The following WDR49 variants were observed in gnomAD, a reference collection of about 807,000 sequenced individuals.
The protein encoded by WDR49 is WD repeat domain 49, also known as cilia- and flagella-associated protein 337.
A neutral mutation model predicts 119.5 loss-of-function variants in WDR49; 107 were observed. The observed-to-expected ratio is 0.90, with a 90% CI of 0.77 to 1.05. The LOEUF (loss-of-function observed/expected upper bound fraction) is 1.05, where lower values mean the gene tolerates loss of function less well. Ranked by LOEUF, WDR49 falls within the 50% of genes least tolerant of loss-of-function variation. The probability of loss-of-function intolerance (pLI) is 0.00; values close to 1 mark genes in which losing one functional copy is unlikely to be tolerated. For synonymous variants in WDR49, 425 were observed against 418.8 expected (o/e 1.01, Z -0.18); for missense variants, 1,240 against 1,220.5 (o/e 1.02, Z -0.24).
At chr3:167,581,089 A>G (rs888061850) in intron 7 of WDR49, among the ~76,000 whole-genome samples, 1 of 152,180 alleles carries the variant, frequency 6.6e-6, no homozygotes, top group Non-Finnish European at 1.5e-5. Flanking sequence ...TCTGTATTTC[A>G]TCTTCACTTG....
intron 9 of WDR49, among the ~76,000 whole-genome samples, chr3:167,558,712 G>A (rs563156406): frequency 1.3e-5 from 2 of 152,182 alleles, no homozygotes; most frequent in South Asian, 2.1e-4. Flanking sequence ...CCCCAGGTCC[G>A]ACTAAGTCCC....
chr3:167,517,993 T>TC (rs1752285915), intron 16 of WDR49, among the ~76,000 whole-genome samples: 1 of 152,076 alleles, frequency 6.6e-6, no homozygotes, highest in African/African-American at 2.4e-5. Context: ...TGTTTGGTTT[T>TC]TGTCCTTGCA....
chr3:167,489,892 T>A (rs952686173), intron 18 of WDR49, among the ~76,000 whole-genome samples: 1 of 152,134 alleles, frequency 6.6e-6, no homozygotes, highest in African/African-American at 2.4e-5. Context: ...TCTAGACAAA[T>A]TCTTATTTAT....
chr3:167,643,161 T>C (rs1331062958), intron 2 of WDR49, among the ~76,000 whole-genome samples: 1 of 152,042 alleles, frequency 6.6e-6, no homozygotes, highest in Non-Finnish European at 1.5e-5. Flanking sequence ...CAATATAGTA[T>C]AAAACTATCA....
rs568080334 is a variant in WDR49 at position 167,513,795 on chromosome 3, T to G, written c.2775-8379A>C. The stretch of plus-strand genomic sequence containing the variant: ...CCAAGCAAATGGAAAGCAGAAAAAA[T>G]GCAGGGGTTGCAATCCTAGTTTCTG... On this transcript the variant is annotated intron_variant, in intron 16 of 18. Coordinates refer to ENST00000682715, the MANE Select transcript of WDR49 (RefSeq NM_001366157.1). 5.3e-5 allele frequency among the ~76,000 whole-genome samples: 8 copies of G among 151,882 alleles called. No homozygotes were observed. In the East Asian group the frequency reaches 1.6e-3, roughly 29 times the overall value.
At chr3:167,650,608 C>A (rs1718329827) in intron 2 of WDR49, among the ~76,000 whole-genome samples, 1 of 152,200 alleles carries the variant, frequency 6.6e-6, no homozygotes, top group Non-Finnish European at 1.5e-5. Context: ...TATGTCTTTG[C>A]AGCTCTAACC....
chr3:167,585,980 C>T (rs1391731551), intron 7 of WDR49, among the ~76,000 whole-genome samples: 5 of 151,922 alleles, frequency 3.3e-5, no homozygotes, highest in African/African-American at 4.8e-5. Flanking sequence ...TCCTTTGTTT[C>T]TGGATGGATA....
At chr3:167,485,274 C>T (rs2108191546) in intron 18 of WDR49, among the ~76,000 whole-genome samples, 1 of 151,928 alleles carries the variant, frequency 6.6e-6, no homozygotes, top group Middle Eastern at 3.4e-3. Flanking sequence ...GATAGGTTGA[C>T]AGGTGCAGCA....
intron 7 of WDR49, among the ~76,000 whole-genome samples, chr3:167,585,313 T>C (rs1322193782): frequency 6.6e-6 from 1 of 152,040 alleles, no homozygotes; most frequent in Non-Finnish European, 1.5e-5. Context: ...AATATTTATG[T>C]AAAGCCTTTG....
chr3:167,567,397 T>G (rs770916011), intron 8 of WDR49, among the ~76,000 whole-genome samples: 2 of 152,204 alleles, frequency 1.3e-5, no homozygotes, highest in Non-Finnish European at 2.9e-5. Context: ...CATTCCCACC[T>G]TTTTTGCCAT....
At chr3:167,607,392 C>T (rs985479582) in intron 5 of WDR49, among the ~76,000 whole-genome samples, 1 of 152,076 alleles carries the variant, frequency 6.6e-6, no homozygotes, top group Non-Finnish European at 1.5e-5. Flanking sequence ...CTTGCTTATC[C>T]CCCATATGGA....
In WDR49 at chr3:167,611,806, T is replaced by G. The variant is rs1459881482; in HGVS notation, c.959-7338A>C. Among the ~76,000 whole-genome samples the G allele has an allele frequency of 3.3e-5, 5 of 152,134 alleles. No homozygotes were observed. In the East Asian group the frequency reaches 9.6e-4, roughly 29 times the overall value. ...GGATATAAAAAACTTTAAATAAAAA[T>G]GCAGCTACCATGGGAGCACTTTGAT... On this transcript the variant is annotated intron_variant, in intron 5 of 18. Coordinates refer to ENST00000682715, the MANE Select transcript of WDR49 (RefSeq NM_001366157.1).
chr3:167,569,417 C>T (rs1002134773), intron 8 of WDR49, among the ~76,000 whole-genome samples: 1 of 152,002 alleles, frequency 6.6e-6, no homozygotes, highest in South Asian at 2.1e-4. Context: ...ACATACGTAT[C>T]TTTTATGCAT....
chr3:167,582,511 T>C (rs1577254554), intron 7 of WDR49, among the ~76,000 whole-genome samples: 1 of 152,292 alleles, frequency 6.6e-6, no homozygotes, highest in South Asian at 2.1e-4. Context: ...TATTTTTTTT[T>C]AGTTCTCTTC....
chr3:167,625,251 C>A (rs562232837), intron 3 of WDR49, among the ~76,000 whole-genome samples: 4 of 152,126 alleles, frequency 2.6e-5, no homozygotes, highest in Non-Finnish European at 5.9e-5. Flanking sequence ...AGCTTTCAAG[C>A]ACTGTCAGGA....
chr3:167,575,240 C>T, intron 8 of WDR49: 2 of 985,974 alleles, frequency 2.0e-6, no homozygotes, highest in Non-Finnish European at 2.4e-6. Context: ...CTGCCCCACA[C>T]TGAGCTCACT....
chr3:167,547,638 T>G (rs1420550113), intron 10 of WDR49, among the ~76,000 whole-genome samples: 1 of 150,606 alleles, frequency 6.6e-6, no homozygotes, highest in East Asian at 1.9e-4. Context: ...CTGTCCCTAT[T>G]CTAGGAGACA....
At chr3:167,592,444 T>C (rs944089657) in intron 7 of WDR49, among the ~76,000 whole-genome samples, 15 of 150,474 alleles carry the variant, frequency 1.0e-4, no homozygotes, top group South Asian at 2.1e-4. Context: ...TTTCTTTTTT[T>C]TTTTTTTTTG....
intron 10 of WDR49, 81 bp from the exon 11 acceptor site, chr3:167,537,081 T>C: frequency 7.4e-7 from 1 of 1,345,178 alleles, no homozygotes; most frequent in Non-Finnish European, 9.7e-7. Flanking sequence ...TTGAATGATG[T>C]GATCCAAGAC....
Sources: allele counts gnomAD v4.1 joint callset (sites outside exome capture counted in the v4.1 genomes callset), GRCh38; gene constraint gnomAD v4.1.1; transcripts MANE v1.5; gene names NCBI Gene and HGNC (gene_info 2026-07-23, HGNC 2026-07-21).